Variants in CSMD1 observed in about 807,000 individuals in gnomAD.
The protein encoded by CSMD1 is CUB and sushi domain-containing protein 1.
A neutral mutation model predicts 417.5 loss-of-function variants in CSMD1; 213 were observed. That is an observed-to-expected ratio of 0.51 (90% CI 0.46 to 0.57). The LOEUF is 0.57. Among genes scored for constraint, CSMD1 ranks in the 20% least tolerant of loss-of-function variants. CSMD1 has a pLI of 0.00. For synonymous variants in CSMD1, 2,862 were observed against 1,736.8 expected, an observed-to-expected ratio of 1.65 and a Z score of -16.11; for missense variants, 6,923 against 4,529.7, an observed-to-expected ratio of 1.53 and a Z score of -15.17.
intron 4 of CSMD1, among the ~76,000 whole-genome samples, chr8:4,011,616 C>G (rs896172593): frequency 1.3e-5 from 2 of 152,158 alleles, no homozygotes; most frequent in Admixed American, 1.3e-4. Flanking sequence ...TGACATTTAA[C>G]ATTCATCCAT....
At chr8:4,160,259 C>A (rs1469679545) in intron 3 of CSMD1, among the ~76,000 whole-genome samples, 1 of 151,968 alleles carries the variant, frequency 6.6e-6, no homozygotes, top group East Asian at 1.9e-4. Flanking sequence ...TAAAGTAACA[C>A]AAAACATTCT....
Position 3,183,556 on chromosome 8 carries a change from C to G in CSMD1, c.5621-2342G>C, listed in dbSNP as rs551501593. ...CCTAATCTATCTATCCCTGAAACAT[C>G]GAGTAGGTCTCTAACGCCTAATCTA... On this transcript the variant is annotated intron_variant, in intron 36 of 69. Transcript: ENST00000635120. 3.2e-3 allele frequency among the ~76,000 whole-genome samples: 396 copies of G among 123,700 alleles called. 3 individuals are homozygous for G. The highest frequency in any genetic ancestry group is 5.0e-3 in the Non-Finnish European group (296 of 59,750). The allele number at this position is 123,700 out of a possible 152,430, so 81.2% of individuals were successfully genotyped here. A position where few individuals can be genotyped will look rare whatever the true frequency, so the allele number is the denominator to read the frequency against.
At chr8:3,150,413 G>A (rs1585486081) in intron 40 of CSMD1, among the ~76,000 whole-genome samples, 2 of 152,144 alleles carry the variant, frequency 1.3e-5, no homozygotes, top group African/African-American at 4.8e-5. Flanking sequence ...GACCTGTCGG[G>A]CCGTCATTCC....
At chr8:3,586,362 G>C (rs1800602312) in intron 8 of CSMD1, 102 bp from the exon 9 acceptor site, 1 of 1,152,862 alleles carries the variant, frequency 8.7e-7, no homozygotes, top group Non-Finnish European at 1.2e-6. Flanking sequence ...ATCTTGTTCA[G>C]TTAAAACAGC....
chr8:4,768,631 G>C (rs577110866), intron 1 of CSMD1, among the ~76,000 whole-genome samples: 89 of 152,038 alleles, frequency 5.9e-4, no homozygotes, highest in Non-Finnish European at 9.7e-4. Context: ...TGCGTGGAAG[G>C]GGTGATACCC....
rs1563319580 is a variant in CSMD1, at chr8:4,761,902, T to TCTAC, written c.86-124345_86-124344insGTAG. 1.4e-3 allele frequency among the ~76,000 whole-genome samples: 134 copies of TCTAC among 93,978 alleles called. 1 individual carries two copies. The highest frequency in any genetic ancestry group is 3.5e-3 in the East Asian group (9 of 2,558). The allele number at this position is 93,978 out of a possible 152,430, so 61.7% of individuals were successfully genotyped here. On this transcript the variant is annotated intron_variant, in intron 1 of 69. Coordinates refer to ENST00000635120, the MANE Select transcript of CSMD1 (RefSeq NM_033225.6). ...ATCTATCTATCTACCTACCTATCTA[T>TCTAC]CTATCTATCAATCTATCTATCTATC...
intron 3 of CSMD1, among the ~76,000 whole-genome samples, chr8:4,301,810 A>G (rs1285413907): frequency 1.3e-5 from 2 of 152,170 alleles, no homozygotes; most frequent in African/African-American, 4.8e-5. Context: ...AGGGGGGTTC[A>G]TTGTCCCCAT....
At chr8:4,626,468 G>A (rs1802119963) in intron 2 of CSMD1, among the ~76,000 whole-genome samples, 1 of 152,108 alleles carries the variant, frequency 6.6e-6, no homozygotes, top group African/African-American at 2.4e-5. Context: ...AGTGTGAGAT[G>A]GGTGCAACAT....
chr8:3,053,458 A>C (rs183458962), intron 49 of CSMD1, among the ~76,000 whole-genome samples: 53 of 152,156 alleles, frequency 3.5e-4, no homozygotes, highest in South Asian at 8.3e-4. Context: ...CCCTTCCCCA[A>C]TTCATTTTCC....
chr8:3,905,009 A>T (rs1303226944), intron 5 of CSMD1, among the ~76,000 whole-genome samples: 1 of 151,534 alleles, frequency 6.6e-6, no homozygotes, highest in East Asian at 1.9e-4. Context: ...AATATAGAAT[A>T]CTCTTCAGCT....
At chr8:4,447,179 T>C (rs750919429) in intron 2 of CSMD1, among the ~76,000 whole-genome samples, 9 of 152,230 alleles carry the variant, frequency 5.9e-5, no homozygotes, top group Non-Finnish European at 7.3e-5. Flanking sequence ...TCCCATGTTA[T>C]TTCCCAATTA....
chr8:4,578,583 A>AAGG (rs1799252862), intron 2 of CSMD1, among the ~76,000 whole-genome samples: 2 of 151,532 alleles, frequency 1.3e-5, no homozygotes, highest in South Asian at 4.2e-4. Flanking sequence ...TTGGGAGGCC[A>AAGG]AGGTGGGCGG....
intron 5 of CSMD1, among the ~76,000 whole-genome samples, chr8:3,842,270 A>G (rs1322215875): frequency 2.0e-5 from 3 of 151,946 alleles, no homozygotes; most frequent in South Asian, 2.1e-4. Context: ...CTAATTCCCA[A>G]TCTTCTTATG....
At chr8:4,735,648 G>C (rs2116978141) in intron 1 of CSMD1, among the ~76,000 whole-genome samples, 1 of 152,238 alleles carries the variant, frequency 6.6e-6, no homozygotes, top group Non-Finnish European at 1.5e-5. Context: ...ATAGAAGCTA[G>C]CACGCACTGA....
chr8:3,364,262 A>G (rs1809402102), intron 20 of CSMD1, among the ~76,000 whole-genome samples: 1 of 152,140 alleles, frequency 6.6e-6, no homozygotes, highest in African/African-American at 2.4e-5. Context: ...ATACCTGAAG[A>G]ATTTGTTTAC....
At chr8:3,540,768 C>G (rs1013095993) in intron 10 of CSMD1, among the ~76,000 whole-genome samples, 1 of 152,044 alleles carries the variant, frequency 6.6e-6, no homozygotes, top group Admixed American at 6.6e-5. Context: ...ATGCAGTCAA[C>G]AAACATGAAA....
chr8:4,251,377 A>C (rs1480096891), intron 3 of CSMD1, among the ~76,000 whole-genome samples: 1 of 152,204 alleles, frequency 6.6e-6, no homozygotes. Flanking sequence ...TTTTATTTAA[A>C]AGCTTTGATG....
At chr8:4,314,554 A>C (rs1025850194) in intron 3 of CSMD1, among the ~76,000 whole-genome samples, 1 of 151,972 alleles carries the variant, frequency 6.6e-6, no homozygotes, top group East Asian at 1.9e-4. Flanking sequence ...ATGATTCTAA[A>C]CTCCAGTCCA....
At chr8:3,110,373 C>T in intron 42 of CSMD1, 38 bp from the exon 43 acceptor site, 1 of 1,531,628 alleles carries the variant, frequency 6.5e-7, no homozygotes, top group South Asian at 1.3e-5. Context: ...CGCCATACAG[C>T]TGATTTTAGA....
Sources: allele counts gnomAD v4.1 joint callset (sites outside exome capture counted in the v4.1 genomes callset), GRCh38; gene constraint gnomAD v4.1.1; transcripts MANE v1.5; gene names NCBI Gene and HGNC (gene_info 2026-07-23, HGNC 2026-07-21).